Variants in ARHGAP32 observed in about 807,000 individuals in gnomAD.
The protein encoded by ARHGAP32 is rho GTPase-activating protein 32.
In ARHGAP32, 51 loss-of-function variants were observed where a neutral mutation model predicts 186.5. The ratio of observed to expected loss-of-function variants is 0.27; its 90% CI spans 0.22 to 0.35. ARHGAP32 has a LOEUF of 0.35. Ranked by LOEUF, ARHGAP32 falls within the 10% of genes least tolerant of loss-of-function variation. The probability of loss-of-function intolerance (pLI) is 1.00; values close to 1 mark genes in which losing one functional copy is unlikely to be tolerated. For missense variants in ARHGAP32, 2,186 were observed against 2,623.5 expected (o/e 0.83, Z 3.64); for synonymous variants, 950 against 964.3 (o/e 0.99, Z 0.27).
intron 1 of ARHGAP32, among the ~76,000 whole-genome samples, chr11:129,217,277 A>T (rs912212703): frequency 6.6e-6 from 1 of 152,130 alleles, no homozygotes; most frequent in African/African-American, 2.4e-5. Flanking sequence ...AGCTATTGTT[A>T]TAAGTAATCC....
chr11:129,241,214 A>G (rs1188733188), intron 1 of ARHGAP32, among the ~76,000 whole-genome samples: 2 of 152,246 alleles, frequency 1.3e-5, no homozygotes, highest in Admixed American at 1.3e-4. Context: ...AAAACAAAAA[A>G]TATTTTAATT....
At chr11:129,192,639 C>G (rs941621605), upstream of ARHGAP32, among the ~76,000 whole-genome samples, 3 of 152,138 alleles carry the variant, frequency 2.0e-5, no homozygotes, top group Non-Finnish European at 4.4e-5. Context: ...ACTGGCCAAG[C>G]ACATGAGAAG....
chr11:129,276,113 T>TTA (rs1288965678), intron 1 of ARHGAP32, among the ~76,000 whole-genome samples: 13 of 152,202 alleles, frequency 8.5e-5, no homozygotes, highest in African/African-American at 3.1e-4. Context: ...CCTGACTCTA[T>TTA]TAAATTTTAA....
intron 1 of ARHGAP32, among the ~76,000 whole-genome samples, chr11:129,223,362 T>C (rs563507880): frequency 8.9e-5 from 13 of 146,272 alleles, no homozygotes; most frequent in South Asian, 2.2e-4. Context: ...ACCAGTGGAA[T>C]TGAAGAGTGC....
intron 1 of ARHGAP32, among the ~76,000 whole-genome samples, chr11:129,243,887 T>A (rs1172671125): frequency 1.3e-5 from 2 of 152,216 alleles, no homozygotes; most frequent in African/African-American, 4.8e-5. Flanking sequence ...TGTGACACTT[T>A]CTTGTGTCAC....
At chr11:129,078,538 G>C in intron 6 of ARHGAP32, among the ~76,000 whole-genome samples, 1 of 152,142 alleles carries the variant, frequency 6.6e-6, no homozygotes, top group Non-Finnish European at 1.5e-5. Context: ...TGTCACCCAG[G>C]TTGTAGTGCA....
At chr11:129,166,179 A>T (rs1480534712) in intron 1 of ARHGAP32, among the ~76,000 whole-genome samples, 1 of 152,104 alleles carries the variant, frequency 6.6e-6, no homozygotes, top group Non-Finnish European at 1.5e-5. Context: ...TTTAGTAGAA[A>T]ATATCCACAT....
chr11:129,197,933 TAA>T (rs1944415215), intron 1 of ARHGAP32, among the ~76,000 whole-genome samples: 1 of 152,202 alleles, frequency 6.6e-6, no homozygotes, highest in African/African-American at 2.4e-5. Flanking sequence ...CAATGGTATC[TAA>T]AGAGGAAACA....
At chr11:129,003,325 A>T (rs1458005233) in intron 11 of ARHGAP32, among the ~76,000 whole-genome samples, 1 of 152,218 alleles carries the variant, frequency 6.6e-6, no homozygotes, top group African/African-American at 2.4e-5. Context: ...AATATTCATC[A>T]GTGATATTGG....
At chr11:129,237,501 T>G (rs925546051) in intron 1 of ARHGAP32, among the ~76,000 whole-genome samples, 1 of 152,192 alleles carries the variant, frequency 6.6e-6, no homozygotes, top group Non-Finnish European at 1.5e-5. Context: ...GTTAAAGGAA[T>G]GAAGAATGCT....
chr11:128,979,377 T>C (rs1945647531), intron 18 of ARHGAP32, among the ~76,000 whole-genome samples: 1 of 152,204 alleles, frequency 6.6e-6, no homozygotes, highest in African/African-American at 2.4e-5. Flanking sequence ...ATGTAATATC[T>C]CCTTTAAATC....
intron 6 of ARHGAP32, among the ~76,000 whole-genome samples, chr11:129,082,776 A>G (rs1941257608): frequency 1.3e-5 from 2 of 152,082 alleles, no homozygotes; most frequent in Admixed American, 1.3e-4. Flanking sequence ...TCTTCTGCAG[A>G]GTATACAAAC....
At chr11:128,982,842 G>A (rs1268258340) in intron 15 of ARHGAP32, among the ~76,000 whole-genome samples, 1 of 137,358 alleles carries the variant, frequency 7.3e-6, no homozygotes, top group African/African-American at 2.7e-5. Flanking sequence ...AGTGAGCTGT[G>A]ATCATGCCAC....
intron 1 of ARHGAP32, among the ~76,000 whole-genome samples, chr11:129,173,576 T>C (rs1289508585): frequency 1.3e-5 from 2 of 152,142 alleles, no homozygotes; most frequent in East Asian, 1.9e-4. Context: ...CTCAATAAAA[T>C]ACTGGAAAAT....
At chr11:129,012,490 C>T (rs1470694386) in intron 11 of ARHGAP32, among the ~76,000 whole-genome samples, 1 of 152,016 alleles carries the variant, frequency 6.6e-6, no homozygotes, top group Non-Finnish European at 1.5e-5. Context: ...AATTCCTTAT[C>T]AAAACAAACC....
chr11:129,060,809 T>A (rs621974), intron 10 of ARHGAP32, among the ~76,000 whole-genome samples: 44,304 of 106,188 alleles, frequency 0.42, 6,727 homozygotes, highest in Middle Eastern at 0.52. Flanking sequence ...ACTTATTGAT[T>A]AAAAAAAAAT....
chr11:129,051,184 T>C (rs1940026621), intron 10 of ARHGAP32, among the ~76,000 whole-genome samples: 1 of 152,204 alleles, frequency 6.6e-6, no homozygotes, highest in Non-Finnish European at 1.5e-5. Context: ...AGTCAAATGG[T>C]ATTTCTGGTT....
At chr11:129,176,266 G>A in intron 1 of ARHGAP32, among the ~76,000 whole-genome samples, 1 of 58,200 alleles carries the variant, frequency 1.7e-5, no homozygotes, top group Admixed American at 1.6e-4. Context: ...ACCCAATACA[G>A]GAGCACCCAG....
chr11:129,193,596 T>A (rs1212137698), upstream of ARHGAP32, among the ~76,000 whole-genome samples: 6 of 31,212 alleles, frequency 1.9e-4, no homozygotes, highest in Admixed American at 6.3e-4. Flanking sequence ...TAATATATGT[T>A]ATATATAATA....
Sources: gnomAD v4.1 joint callset for allele counts (sites outside exome capture counted in the v4.1 genomes callset) on GRCh38, gnomAD v4.1.1 for gene constraint, MANE v1.5 for transcripts, NCBI Gene and HGNC (gene_info 2026-07-23, HGNC 2026-07-21) for gene names.